Variants in ANAPC10 observed in about 807,000 individuals in gnomAD.
ANAPC10 encodes the protein anaphase-promoting complex subunit 10.
In ANAPC10, 12 loss-of-function variants were observed where a neutral mutation model predicts 22.0. The ratio of observed to expected loss-of-function variants is 0.55; its 90% CI spans 0.35 to 0.88. The LOEUF (loss-of-function observed/expected upper bound fraction) is 0.88, where lower values mean the gene tolerates loss of function less well. ANAPC10 is among the 40% of genes least tolerant of loss of function. The pLI, the probability that ANAPC10 is intolerant of heterozygous loss-of-function variation, is 0.01. For synonymous variants in ANAPC10, 65 were observed against 69.5 expected (o/e 0.94, Z 0.32); for missense variants, 188 against 220.9 (o/e 0.85, Z 0.94).
At chr4:145,046,295 T>C (rs1740288624) in intron 4 of ANAPC10, among the ~76,000 whole-genome samples, 2 of 152,136 alleles carry the variant, frequency 1.3e-5, no homozygotes, top group South Asian at 4.1e-4. Context: ...CTCTATAAAT[T>C]TGTTCCTGTA....
In ANAPC10 at chr4:145,020,639, C is replaced by T. The variant is rs543276839; in HGVS notation, c.328-25036G>A. ...CCAAATCAGTAAAGAGGAAGTCAAA[C>T]TGTCACTGTTTACTGACAATATAAT... On this transcript the variant is annotated intron_variant, in intron 4 of 4. Coordinates refer to ENST00000507656, the MANE Select transcript of ANAPC10 (RefSeq NM_001256706.2). 7.9e-5 allele frequency among the ~76,000 whole-genome samples: 12 copies of T among 152,178 alleles called. No individual in the cohort carries two copies. The South Asian group carries it at 2.1e-3, about 26-fold the overall frequency.
At chr4:145,052,212 A>G (rs1480884812) in intron 4 of ANAPC10, among the ~76,000 whole-genome samples, 2 of 152,186 alleles carry the variant, frequency 1.3e-5, no homozygotes, top group African/African-American at 4.8e-5. Flanking sequence ...AGTACAATTA[A>G]TAATAATATA....
At chr4:145,017,443 T>A (rs1226428952) in intron 4 of ANAPC10, among the ~76,000 whole-genome samples, 3 of 152,166 alleles carry the variant, frequency 2.0e-5, no homozygotes, top group African/African-American at 7.2e-5. Context: ...CCAGTTAGAA[T>A]GGCGATCATT....
At chr4:145,026,153 C>T (rs956413664) in intron 4 of ANAPC10, among the ~76,000 whole-genome samples, 2 of 152,124 alleles carry the variant, frequency 1.3e-5, no homozygotes. Context: ...CCACGTGCCC[C>T]AGGCCAGAGA....
chr4:145,056,493 G>T (rs929005122), intron 4 of ANAPC10, among the ~76,000 whole-genome samples: 2 of 152,082 alleles, frequency 1.3e-5, no homozygotes, highest in Non-Finnish European at 2.9e-5. Context: ...TAAAAAACTC[G>T]CTTTCACTTT....
At chr4:145,095,777 C>A (rs1748418688) in intron 2 of ANAPC10, among the ~76,000 whole-genome samples, 1 of 152,118 alleles carries the variant, frequency 6.6e-6, no homozygotes, top group Admixed American at 6.5e-5. Flanking sequence ...TAATCTCTTA[C>A]TGTGCCTAAT....
intron 2 of ANAPC10, among the ~76,000 whole-genome samples, chr4:145,090,835 C>A (rs774509559): frequency 2.4e-4 from 37 of 152,162 alleles, no homozygotes; most frequent in Non-Finnish European, 4.4e-4. Flanking sequence ...TATACTTCCT[C>A]CACTAAATTG....
chr4:145,057,562 T>C (rs913083485), intron 4 of ANAPC10, among the ~76,000 whole-genome samples: 6 of 152,194 alleles, frequency 3.9e-5, no homozygotes, highest in Non-Finnish European at 7.4e-5. Flanking sequence ...TACACACTGA[T>C]GATTCCAAAA....
chr4:145,000,034 C>T (rs1732272525), intron 4 of ANAPC10, among the ~76,000 whole-genome samples: 1 of 152,138 alleles, frequency 6.6e-6, no homozygotes, highest in Admixed American at 6.5e-5. Flanking sequence ...CTTCCTTACA[C>T]CTTATACAAA....
chr4:145,063,532 A>G (rs1298446282), intron 4 of ANAPC10, among the ~76,000 whole-genome samples: 6 of 152,120 alleles, frequency 3.9e-5, no homozygotes, highest in African/African-American at 1.4e-4. Context: ...CAAGACCACA[A>G]ATTAACTGGA....
chr4:144,997,437 A>G (rs1221172382), intron 4 of ANAPC10, among the ~76,000 whole-genome samples: 2 of 152,248 alleles, frequency 1.3e-5, no homozygotes, highest in Admixed American at 1.3e-4. Flanking sequence ...AATATTCAAC[A>G]TTCTTAAAGA....
chr4:145,058,985 T>C (rs1029927240), intron 4 of ANAPC10, among the ~76,000 whole-genome samples: 1 of 152,148 alleles, frequency 6.6e-6, no homozygotes, highest in African/African-American at 2.4e-5. Flanking sequence ...ACTACTTTTT[T>C]AAAAAAATCT....
At chr4:145,097,245 A>G (rs780743130) in intron 1 of ANAPC10, 35 of 347,518 alleles carry the variant, frequency 1.0e-4, no homozygotes, top group Non-Finnish European at 1.8e-4. Context: ...GTTCACTTAC[A>G]TATGCTCTTA....
At chr4:145,026,511 A>G (rs1445230500) in intron 4 of ANAPC10, among the ~76,000 whole-genome samples, 2 of 152,150 alleles carry the variant, frequency 1.3e-5, no homozygotes, top group Non-Finnish European at 2.9e-5. Flanking sequence ...TCAATGAGAA[A>G]GTGATGTGTG....
intron 4 of ANAPC10, among the ~76,000 whole-genome samples, chr4:145,041,843 C>T (rs759621748): frequency 4.6e-5 from 7 of 152,104 alleles, no homozygotes; most frequent in East Asian, 1.9e-4. Flanking sequence ...AAACGTGCAT[C>T]TGAATTTTGA....
rs1051394159 is a variant in ANAPC10, at chr4:145,085,927, G to A, written c.116-4177C>T. Among the ~76,000 whole-genome samples, 14 of 150,700 alleles carry A rather than the reference G, an allele frequency of 9.3e-5. No individual in the cohort carries two copies. In the East Asian group the frequency reaches 1.8e-3, roughly 19 times the overall value. On this transcript the variant is annotated intron_variant, in intron 2 of 4. Coordinates refer to ENST00000507656, the MANE Select transcript of ANAPC10 (RefSeq NM_001256706.2). ...CGCCCAGGCTGCAGTGCAGTGGCGC[G>A]ATTTCAGCTCACTGCAACCTCCACC...
At chr4:145,007,745 A>G (rs1011460035) in intron 4 of ANAPC10, among the ~76,000 whole-genome samples, 1 of 152,084 alleles carries the variant, frequency 6.6e-6, no homozygotes, top group East Asian at 1.9e-4. Flanking sequence ...AAATTGACAC[A>G]ATAACATCAC....
At chr4:145,046,991 C>T (rs1740403617) in intron 4 of ANAPC10, among the ~76,000 whole-genome samples, 2 of 152,004 alleles carry the variant, frequency 1.3e-5, no homozygotes, top group Admixed American at 6.6e-5. Flanking sequence ...TATGGATGGG[C>T]GTAAAGTTAT....
At chr4:145,065,622 A>T (rs1265775748) in intron 3 of ANAPC10, among the ~76,000 whole-genome samples, 1 of 152,088 alleles carries the variant, frequency 6.6e-6, no homozygotes, top group Non-Finnish European at 1.5e-5. Context: ...CTAGAAAATT[A>T]AAAACAGCCT....
Sources: allele counts gnomAD v4.1 joint callset (sites outside exome capture counted in the v4.1 genomes callset), GRCh38; gene constraint gnomAD v4.1.1; transcripts MANE v1.5; gene names NCBI Gene and HGNC (gene_info 2026-07-23, HGNC 2026-07-21).